CYP2R1: variants seen among roughly 807,000 people sequenced by gnomAD.
The protein encoded by CYP2R1 is vitamin D 25-hydroxylase.
CYP2R1 carries 40 observed loss-of-function variants against 45.7 expected under a neutral mutation model. The ratio of observed to expected loss-of-function variants is 0.87; its 90% confidence interval spans 0.68 to 1.14. The LOEUF is 1.14. Ranked by LOEUF, CYP2R1 falls within the 50% of genes most tolerant of loss-of-function variation. The pLI is 0.00. For missense variants in CYP2R1, 605 were observed against 602.6 expected, an observed-to-expected ratio of 1.00 and a Z score of -0.04; for synonymous variants, 234 against 219.3, an observed-to-expected ratio of 1.07 and a Z score of -0.59.
intron 4 of CYP2R1, 58 bp from the exon 5 acceptor site, chr11:14,878,355 A>G: frequency 1.3e-6 from 2 of 1,506,696 alleles, no homozygotes; most frequent in Middle Eastern, 1.8e-4. Context: ...ACCAAAATTA[A>G]TGTCTAATAT....
intron 2 of CYP2R1, among the ~76,000 whole-genome samples, chr11:14,882,655 T>C (rs1260869310): frequency 2.0e-5 from 3 of 152,008 alleles, no homozygotes; most frequent in African/African-American, 7.3e-5. Flanking sequence ...ACAACACATA[T>C]CAACATAGTG....
At chr11:14,891,659 T>C in intron 1 of CYP2R1, 1 of 1,161,190 alleles carries the variant, frequency 8.6e-7, no homozygotes, top group Non-Finnish European at 1.1e-6. Context: ...GGACCTGAAG[T>C]GGCGGCGCGG....
chr11:14,892,354 G>A (rs187639972), upstream of CYP2R1: 4 of 726,888 alleles, frequency 5.5e-6, no homozygotes, highest in Non-Finnish European at 9.1e-6. Context: ...AGGCCCCTTC[G>A]GGACAACTAC....
intron 2 of CYP2R1, among the ~76,000 whole-genome samples, chr11:14,884,492 T>C (rs1555013644): frequency 1.6e-5 from 2 of 127,328 alleles, no homozygotes; most frequent in African/African-American, 6.1e-5. Flanking sequence ...TGAGAACACA[T>C]GGACACAGGA....
chr11:14,888,045 C>G (rs933596714), intron 1 of CYP2R1, among the ~76,000 whole-genome samples: 2 of 152,148 alleles, frequency 1.3e-5, no homozygotes, highest in Admixed American at 1.3e-4. Context: ...TTTGATATTC[C>G]TATAGCTTGC....
intron 1 of CYP2R1, among the ~76,000 whole-genome samples, chr11:14,889,342 CTT>C (rs1467899775): frequency 2.0e-5 from 3 of 152,090 alleles, no homozygotes; most frequent in Non-Finnish European, 1.5e-5. Flanking sequence ...AACTTTGAGA[CTT>C]TGTCAGAATT....
chr11:14,883,154 G>A (rs1848460828), intron 2 of CYP2R1, among the ~76,000 whole-genome samples: 1 of 152,054 alleles, frequency 6.6e-6, no homozygotes, highest in African/African-American at 2.4e-5. Flanking sequence ...AGCTACCAAT[G>A]ACTTTCTTCA....
At chr11:14,881,413 A>G (rs782061843) in intron 2 of CYP2R1, among the ~76,000 whole-genome samples, 2 of 152,128 alleles carry the variant, frequency 1.3e-5, no homozygotes, top group African/African-American at 4.8e-5. Flanking sequence ...TGATGTTGCT[A>G]CTATTGAAAT....
rs782346995 is a variant in CYP2R1 at position 14,880,128 on chromosome 11, A to G, written c.1000+8T>C. 3.1e-6 allele frequency: 5 copies of G among 1,612,362 alleles called. No individual in the cohort carries two copies. The African/African-American group carries it at 6.7e-5, about 22-fold the overall frequency. On this transcript the variant is annotated splice_region_variant and intron_variant, in intron 3 of 4. Transcript: ENST00000334636. ...GATAGACCCTGAGATCATCAAGAGA[A>G]TCCTCACCTTGAATATTAGGATAAA...
At chr11:14,882,995 C>G (rs1157116725) in intron 2 of CYP2R1, among the ~76,000 whole-genome samples, 7 of 152,120 alleles carry the variant, frequency 4.6e-5, no homozygotes, top group Non-Finnish European at 1.0e-4. Context: ...AGGACCTCTT[C>G]AAGGAGAACT....
chr11:14,891,748 C>T, intron 1 of CYP2R1: 1 of 1,355,362 alleles, frequency 7.4e-7, no homozygotes, highest in Non-Finnish European at 9.5e-7. Context: ...CGCCTCGGAG[C>T]CTCGGCCCGG....
Position 14,880,193 on chromosome 11 carries a change from T to C in CYP2R1, c.943A>G (p.Thr315Ala). Residue 315 changes from threonine (T) to alanine (A), a missense_variant, in exon 3 of 5, where the codon ACA becomes GCA. Thr to Ala is a moderately conservative substitution (Grantham distance 58, BLOSUM62 0). Coordinates refer to ENST00000334636, the MANE Select transcript of CYP2R1 (RefSeq NM_024514.5). ...GELIIAGTET[T>A]TNVLRWAILF... ...ATCGCCCACCGTAGCACATTGGTTG[T>C]AGTTTCAGTTCCAGCAATGATGAGT... The C allele has an allele frequency of 6.2e-7, 1 of 1,613,002 alleles. No individual in the cohort carries two copies. The highest frequency in any genetic ancestry group is 8.5e-7 in the Non-Finnish European group (1 of 1,179,348).
intron 1 of CYP2R1, chr11:14,887,493 A>ATCC (rs1848665754): frequency 2.8e-6 from 2 of 726,566 alleles, no homozygotes; most frequent in Admixed American, 6.3e-5. Flanking sequence ...ACTTATCCTT[A>ATCC]AACTGCTTTG....
intron 1 of CYP2R1, chr11:14,891,373 T>A: frequency 1.0e-6 from 1 of 985,726 alleles, no homozygotes; most frequent in Non-Finnish European, 1.2e-6. Flanking sequence ...CCATCTGCGC[T>A]GTAGGACCCC....
Position 14,892,053 on chromosome 11 carries a change from G to A in CYP2R1, c.153C>T (p.Asn51=), listed in dbSNP as rs1410548639. ...PGPPGLPFIG[N]IYSLAASSEL... ...CGGATGAGGCTGCCAGGGAATAGAT[G>A]TTGCCGATAAATGGCAGCCCCGGCG... The change falls in exon 1 of 5, where the codon AAC becomes AAT. Residue 51 remains asparagine (N), a synonymous_variant. Coordinates refer to ENST00000334636, the MANE Select transcript of CYP2R1 (RefSeq NM_024514.5). 1.2e-6 allele frequency: 2 copies of A among 1,612,990 alleles called. No individual in the cohort carries two copies. The highest frequency in any genetic ancestry group is 1.3e-5 in the African/African-American group (1 of 74,918).
chr11:14,888,206 A>G (rs1555015339), intron 1 of CYP2R1, among the ~76,000 whole-genome samples: 1 of 152,164 alleles, frequency 6.6e-6, no homozygotes, highest in African/African-American at 2.4e-5. Context: ...TATATTATAT[A>G]ATTTACTTGT....
Position 14,880,619 on chromosome 11 carries a change from T to C in CYP2R1, c.517A>G (p.Lys173Glu). 6.2e-7 allele frequency: 1 copy of C among 1,609,672 alleles called. No homozygotes were observed. Among genetic ancestry groups the C allele is most frequent in the Non-Finnish European group, 8.5e-7 (1 of 1,177,602 alleles). Residue 173 changes from lysine (K) to glutamate (E), a missense_variant, in exon 3 of 5, where the codon AAA becomes GAA. Coordinates refer to ENST00000334636, the MANE Select transcript of CYP2R1 (RefSeq NM_024514.5). ...TGTTTAAAGTCAAAAGGTCTACCTT[T>C]GTATGTTTCAATAGCATCATTGAAA... Reference protein sequence around the residue: ...KFFNDAIETYKGRPFDFKQLI... With the variant: ...KFFNDAIETYEGRPFDFKQLI...
At chr11:14,889,819 T>C (rs931808987) in intron 1 of CYP2R1, among the ~76,000 whole-genome samples, 5 of 152,152 alleles carry the variant, frequency 3.3e-5, no homozygotes, top group African/African-American at 1.2e-4. Flanking sequence ...CGAACAAATG[T>C]GTTCTGTGTA....
chr11:14,890,541 T>C (rs1156923233), intron 1 of CYP2R1: 1 of 409,346 alleles, frequency 2.4e-6, no homozygotes, highest in Non-Finnish European at 3.1e-6. Context: ...CCAATTCTTT[T>C]TTTTTTTTTT....
Sources: allele counts gnomAD v4.1 joint callset (sites outside exome capture counted in the v4.1 genomes callset), GRCh38; gene constraint gnomAD v4.1.1; transcripts MANE v1.5; gene names NCBI Gene and HGNC (gene_info 2026-07-23, HGNC 2026-07-21).